Variants in DAB2IP observed in about 807,000 individuals in gnomAD.
DAB2IP encodes disabled homolog 2-interacting protein.
A neutral mutation model predicts 107.2 loss-of-function variants in DAB2IP; 28 were observed. That is an observed-to-expected ratio of 0.26 (90% CI 0.19 to 0.36). The LOEUF is 0.36. Among genes scored for constraint, DAB2IP ranks in the 10% least tolerant of loss-of-function variants. DAB2IP has a pLI of 1.00. For missense variants in DAB2IP, 1,400 were observed against 1,644.7 expected (o/e 0.85, Z 2.57); for synonymous variants, 755 against 706.4 (o/e 1.07, Z -1.09).
chr9:121,697,478 C>A (rs1168011736), intron 2 of DAB2IP, among the ~76,000 whole-genome samples: 1 of 152,216 alleles, frequency 6.6e-6, no homozygotes, highest in East Asian at 1.9e-4. Flanking sequence ...AGAGCTCACG[C>A]AGAGGTGCAG....
At position 121,682,421 on chromosome 9, in the gene DAB2IP, C is replaced by G. The variant is rs141626020; in HGVS notation, c.228+3640C>G. On this transcript the variant is annotated intron_variant, in intron 2 of 15. Transcript: ENST00000408936. Reference sequence around the variant, plus strand: ...ACGGTGTAAGGTCTACAAGGCTCAGCCTGTCCACCTTCTCCATGGAAACTG... The same window carrying G: ...ACGGTGTAAGGTCTACAAGGCTCAGGCTGTCCACCTTCTCCATGGAAACTG... 6.6e-4 allele frequency among the ~76,000 whole-genome samples: 100 copies of G among 152,324 alleles called. 1 individual carries two copies. The East Asian group carries it at 0.013, about 19-fold the overall frequency.
At chr9:121,752,170 ACT>A (rs1480495556) in intron 3 of DAB2IP, among the ~76,000 whole-genome samples, 1 of 151,924 alleles carries the variant, frequency 6.6e-6, no homozygotes, top group African/African-American at 2.4e-5. Context: ...TTTCCCGGAG[ACT>A]CTGGAATGAA....
At chr9:121,622,688 C>T (rs1038109121) in intron 1 of DAB2IP, among the ~76,000 whole-genome samples, 7 of 152,160 alleles carry the variant, frequency 4.6e-5, no homozygotes, top group African/African-American at 1.7e-4. Context: ...AACAGAAGTA[C>T]ACAAACTAAT....
intron 10 of DAB2IP, 122 bp downstream of exon 10, chr9:121,768,755 C>T: frequency 1.7e-6 from 2 of 1,208,850 alleles, no homozygotes; most frequent in Non-Finnish European, 2.3e-6. Flanking sequence ...AGGCCAGGTC[C>T]TGTCAGAACA....
At chr9:121,690,037 T>C (rs1440644590) in intron 2 of DAB2IP, among the ~76,000 whole-genome samples, 1 of 152,230 alleles carries the variant, frequency 6.6e-6, no homozygotes, top group African/African-American at 2.4e-5. Context: ...TGTTCTCCCA[T>C]CTGCACACTG....
intron 3 of DAB2IP, among the ~76,000 whole-genome samples, chr9:121,722,396 G>C (rs1231155876): frequency 1.3e-5 from 2 of 152,098 alleles, no homozygotes; most frequent in Non-Finnish European, 2.9e-5. Context: ...CTTCCTGTTC[G>C]GGGCCTGCAG....
chr9:121,764,104 T>C (rs1834091251), intron 8 of DAB2IP, among the ~76,000 whole-genome samples: 1 of 152,188 alleles, frequency 6.6e-6, no homozygotes, highest in Admixed American at 6.5e-5. Flanking sequence ...TCTCTGGTGA[T>C]GAGGGAGCGC....
At chr9:121,648,318 G>A (rs1306533528), upstream of DAB2IP, among the ~76,000 whole-genome samples, 2 of 152,194 alleles carry the variant, frequency 1.3e-5, no homozygotes, top group African/African-American at 4.8e-5. Flanking sequence ...TGAAGGGTAA[G>A]CAGGAATGCA....
Position 121,698,372 on chromosome 9 carries a change from C to T in DAB2IP, c.229-953C>T, listed in dbSNP as rs1434617174. Among the ~76,000 whole-genome samples the T allele has an allele frequency of 2.0e-5, 3 of 152,158 alleles. No homozygotes were observed. The highest frequency in any genetic ancestry group is 2.9e-5 in the Non-Finnish European group (2 of 68,040). On this transcript the variant is annotated intron_variant, in intron 2 of 15. Coordinates refer to ENST00000408936, the Ensembl canonical transcript of DAB2IP. This position sits in a 1 kb window ranked among gnomAD's most constrained non-coding sequence, Gnocchi z 4.1. ...CCTGTAAAGGGAAGATTGGTTTGAC[C>T]TGTGTGTATTGAACGCCTGTCTCCT...
rs187148465 is a variant in DAB2IP at position 121,780,938 on chromosome 9, C to T, written c.3315-526C>T. Reference sequence around the variant, plus strand: ...GCTTCCTGCTCTTTGTTCCAGGGACCTGAGCTTTCCACTAGCGCAGCTGCT... The same window carrying T: ...GCTTCCTGCTCTTTGTTCCAGGGACTTGAGCTTTCCACTAGCGCAGCTGCT... On this transcript the variant is annotated intron_variant, in intron 14 of 15. Transcript: ENST00000408936. Among the ~76,000 whole-genome samples, 30 of 152,336 alleles carry T rather than the reference C, an allele frequency of 2.0e-4. 2 individuals carry two copies. The East Asian group carries it at 3.1e-3, about 16-fold the overall frequency.
In DAB2IP at chr9:121,651,972, AG is replaced by A; in HGVS notation, c.124+76del. 8.4e-7 allele frequency: 1 copy of A among 1,191,064 alleles called. No individual in the cohort carries two copies. The highest frequency in any genetic ancestry group is 1.6e-5 in the African/African-American group (1 of 63,408). The allele number at this position is 1,191,064 out of a possible 1,614,324, so 73.8% of individuals were successfully genotyped here. A position where few individuals can be genotyped will look rare whatever the true frequency, so the allele number is the denominator to read the frequency against. Reference sequence around the variant, plus strand: ...AAGCCACCTGATGCCCTGGGATGCTAGGGACCGGGATCCTCCTTCCAGCCAT... The same window carrying A: ...AAGCCACCTGATGCCCTGGGATGCTAGGACCGGGATCCTCCTTCCAGCCAT... On this transcript the variant is annotated intron_variant, in intron 1 of 15. Coordinates refer to ENST00000408936, the Ensembl canonical transcript of DAB2IP. This position sits in a 1 kb window ranked among gnomAD's most constrained non-coding sequence, Gnocchi z 5.1.
intron 3 of DAB2IP, among the ~76,000 whole-genome samples, chr9:121,740,213 C>T (rs767843176): frequency 2.4e-4 from 37 of 152,180 alleles, no homozygotes; most frequent in Non-Finnish European, 5.0e-4. Context: ...CAGCAGCTGA[C>T]CCAGTGGATC....
chr9:121,644,593 CA>C (rs566564685), intron 1 of DAB2IP, among the ~76,000 whole-genome samples: 1 of 140,092 alleles, frequency 7.1e-6, no homozygotes, highest in African/African-American at 2.7e-5. Flanking sequence ...GACTCCATCT[CA>C]AAAAAAAATA....
intron 1 of DAB2IP, among the ~76,000 whole-genome samples, chr9:121,594,114 C>A (rs1830476252): frequency 6.6e-6 from 1 of 152,144 alleles, no homozygotes; most frequent in Non-Finnish European, 1.5e-5. Context: ...TTTATAATAA[C>A]CCTTGTGATA....
intron 14 of DAB2IP, among the ~76,000 whole-genome samples, chr9:121,777,609 G>A (rs372521415): frequency 4.6e-5 from 7 of 152,336 alleles, no homozygotes; most frequent in South Asian, 4.1e-4. Flanking sequence ...CCTCCTTAAT[G>A]TAAATGTCAG....
At chr9:121,784,719 T>A (rs1387321181) in exon 16 of DAB2IP, 1 of 154,604 alleles carries the variant, frequency 6.5e-6, no homozygotes, top group East Asian at 1.9e-4. Context: ...AGGGTTTTAT[T>A]TTATTTCTGA....
At position 121,738,521 on chromosome 9, in the gene DAB2IP, G is replaced by T. The variant is rs190191255; in HGVS notation, c.363-18492G>T. ...CTCCCTAGATCTGGGAGGGAGTTGT[G>T]GGTTGGCCTTGTTCAGATCTAGCCT... On this transcript the variant is annotated intron_variant, in intron 3 of 15. Transcript: ENST00000408936. Among the ~76,000 whole-genome samples the T allele has an allele frequency of 2.4e-4, 36 of 152,266 alleles. No homozygotes were observed. In the East Asian group the frequency reaches 6.9e-3, roughly 29 times the overall value.
chr9:121,780,837 T>C (rs7020508), intron 14 of DAB2IP, among the ~76,000 whole-genome samples: 107,380 of 152,080 alleles, frequency 0.71, 39,454 homozygotes, highest in African/African-American at 0.91. Flanking sequence ...TGCTCATTGT[T>C]CTGCCTGCAC....
intron 3 of DAB2IP, among the ~76,000 whole-genome samples, chr9:121,756,627 G>A (rs1255743672): frequency 6.6e-6 from 1 of 152,226 alleles, no homozygotes; most frequent in Non-Finnish European, 1.5e-5. Context: ...GTGCAAAAGA[G>A]AGGGGAAATG....
Sources: gnomAD v4.1 joint callset for allele counts (sites outside exome capture counted in the v4.1 genomes callset) on GRCh38, gnomAD v4.1.1 for gene constraint, Gnocchi (gnomAD v3.1) non-coding constraint, MANE v1.5 for transcripts, NCBI Gene and HGNC (gene_info 2026-07-23, HGNC 2026-07-21) for gene names.